Variants in TSGA10 observed in about 807,000 individuals in gnomAD.
The protein encoded by TSGA10 is testis specific 10.
A neutral mutation model predicts 96.6 loss-of-function variants in TSGA10; 43 were observed. The ratio of observed to expected loss-of-function variants is 0.44; its 90% CI spans 0.35 to 0.57. The LOEUF (loss-of-function observed/expected upper bound fraction) is 0.57. Among genes scored for constraint, TSGA10 ranks in the 20% least tolerant of loss-of-function variants. The probability of loss-of-function intolerance (pLI) is 0.01; values close to 1 mark genes in which losing one functional copy is unlikely to be tolerated. For synonymous variants in TSGA10, 229 were observed against 269.9 expected (o/e 0.85, Z 1.48); for missense variants, 703 against 834.4 (o/e 0.84, Z 1.94).
intron 4 of TSGA10, among the ~76,000 whole-genome samples, chr2:99,116,256 C>G (rs900572563): frequency 2.6e-5 from 4 of 152,172 alleles, no homozygotes; most frequent in Admixed American, 2.6e-4. Context: ...CAAATATGCT[C>G]TATCTTGCTT....
chr2:99,133,884 T>C (rs2093214817), intron 1 of TSGA10, among the ~76,000 whole-genome samples: 1 of 152,258 alleles, frequency 6.6e-6, no homozygotes, highest in African/African-American at 2.4e-5. Context: ...TTGAAAATTC[T>C]TTTCTTTAAG....
chr2:99,102,013 T>C, intron 10 of TSGA10: 1 of 1,245,430 alleles, frequency 8.0e-7, no homozygotes, highest in Non-Finnish European at 1.2e-6. Flanking sequence ...CTTAAAATTT[T>C]GTTAACAGAA....
chr2:99,078,317 A>G (rs544994205), intron 12 of TSGA10, among the ~76,000 whole-genome samples: 1 of 150,818 alleles, frequency 6.6e-6, no homozygotes, highest in Admixed American at 6.6e-5. Context: ...AAACACAATT[A>G]CAAAGGGTAA....
chr2:99,097,924 G>T (rs1281839813), intron 10 of TSGA10, among the ~76,000 whole-genome samples: 1 of 151,766 alleles, frequency 6.6e-6, no homozygotes, highest in Non-Finnish European at 1.5e-5. Context: ...CACACAAAGA[G>T]GTAAGAAATA....
intron 10 of TSGA10, among the ~76,000 whole-genome samples, chr2:99,091,763 A>C (rs1431494379): frequency 1.3e-5 from 2 of 151,982 alleles, no homozygotes; most frequent in Admixed American, 6.6e-5. Context: ...CACAATCTTA[A>C]ATATAGAACA....
intron 10 of TSGA10, among the ~76,000 whole-genome samples, chr2:99,089,140 A>G (rs2088950839): frequency 6.6e-6 from 1 of 152,212 alleles, no homozygotes; most frequent in South Asian, 2.1e-4. Context: ...CACTGGGGAA[A>G]GTGAAGGTCC....
At chr2:99,133,443 T>C (rs2093189179) in intron 1 of TSGA10, among the ~76,000 whole-genome samples, 1 of 152,180 alleles carries the variant, frequency 6.6e-6, no homozygotes, top group Admixed American at 6.5e-5. Context: ...GCTTGGTAAA[T>C]ACTCCTCCAT....
At chr2:99,051,344 A>G (rs1349306058) in intron 16 of TSGA10, among the ~76,000 whole-genome samples, 1 of 152,166 alleles carries the variant, frequency 6.6e-6, no homozygotes, top group Non-Finnish European at 1.5e-5. Flanking sequence ...TGGTTATGAT[A>G]ATATCAGAGA....
At chr2:99,004,870 G>A (rs2078316773) in intron 20 of TSGA10, among the ~76,000 whole-genome samples, 1 of 152,190 alleles carries the variant, frequency 6.6e-6, no homozygotes, top group South Asian at 2.1e-4. Flanking sequence ...TATCCTTGAT[G>A]AACACTGATG....
At position 99,105,367 on chromosome 2, in the gene TSGA10, C is replaced by G; in HGVS notation, c.451G>C (p.Val151Leu). ...TTTTTTTTTTTTTTTACATTATGAA[C>G]TGTACACTCCAGCTCCTCTATCCTT... ...EQRIEELECT[V>L]HNLDDERMEQ... is the part of the protein sequence containing the mutation. Residue 151 changes from valine to leucine, a missense_variant, in exon 9 of 21, where the codon GTT (valine) becomes CTT (leucine). Around this residue, in one of 3 missense-constraint regions of TSGA10, gnomAD observed 585 missense variants for 656.8 expected, o/e 0.89. Transcript: ENST00000393483. The G allele has an allele frequency of 6.3e-7, 1 of 1,582,056 alleles. No individual in the cohort carries two copies. The highest frequency in any genetic ancestry group is 8.6e-7 in the Non-Finnish European group (1 of 1,156,522).
chr2:99,137,713 A>C (rs2093382756), intron 1 of TSGA10, among the ~76,000 whole-genome samples: 1 of 152,086 alleles, frequency 6.6e-6, no homozygotes, highest in African/African-American at 2.4e-5. Context: ...TTTAGGTGGG[A>C]GATGATGGTG....
intron 16 of TSGA10, among the ~76,000 whole-genome samples, chr2:99,055,037 T>C (rs2083814586): frequency 6.6e-6 from 1 of 152,334 alleles, no homozygotes; most frequent in Non-Finnish European, 1.5e-5. Flanking sequence ...GAAATCAGTA[T>C]GTCAAAAAGA....
chr2:99,036,504 C>A (rs1027283557), intron 16 of TSGA10, among the ~76,000 whole-genome samples: 1 of 151,958 alleles, frequency 6.6e-6, no homozygotes, highest in Non-Finnish European at 1.5e-5. Context: ...TATATAAATA[C>A]ATACAAAGAA....
At chr2:99,144,441 G>A (rs1181128981) in intron 1 of TSGA10, among the ~76,000 whole-genome samples, 2 of 152,004 alleles carry the variant, frequency 1.3e-5, no homozygotes, top group Non-Finnish European at 2.9e-5. Context: ...CTCCCGAACT[G>A]CCTGTTGTCC....
intron 16 of TSGA10, among the ~76,000 whole-genome samples, chr2:99,051,738 A>G (rs1442581597): frequency 6.6e-6 from 1 of 152,138 alleles, no homozygotes; most frequent in Non-Finnish European, 1.5e-5. Flanking sequence ...GCAATACAAC[A>G]AAATCAAGAA....
intron 1 of TSGA10, among the ~76,000 whole-genome samples, chr2:99,143,261 C>A (rs1017563933): frequency 6.6e-6 from 1 of 151,038 alleles, no homozygotes; most frequent in Non-Finnish European, 1.5e-5. Flanking sequence ...CCTGCCTCAG[C>A]CTCCCAAGTA....
intron 20 of TSGA10, among the ~76,000 whole-genome samples, chr2:99,017,490 G>C (rs922180409): frequency 1.3e-5 from 2 of 152,202 alleles, no homozygotes; most frequent in African/African-American, 2.4e-5. Flanking sequence ...ATTGGGCCGG[G>C]CGCGGTGGCT....
intron 17 of TSGA10, among the ~76,000 whole-genome samples, chr2:99,026,919 C>T (rs561624275): frequency 5.9e-5 from 9 of 152,292 alleles, no homozygotes; most frequent in African/African-American, 1.7e-4. Context: ...GGACAGCAGT[C>T]GGGGTGGGGA....
At chr2:99,091,617 C>T (rs181059384) in intron 10 of TSGA10, among the ~76,000 whole-genome samples, 50 of 152,198 alleles carry the variant, frequency 3.3e-4, no homozygotes, top group African/African-American at 1.2e-3. Context: ...AAAGACATTC[C>T]ATGCTAATGG....
Sources: gnomAD v4.1 joint callset for allele counts (sites outside exome capture counted in the v4.1 genomes callset) on GRCh38, gnomAD v4.1.1 for gene constraint, gnomAD v4.1.1 regional missense constraint, MANE v1.5 for transcripts, NCBI Gene and HGNC (gene_info 2026-07-23, HGNC 2026-07-21) for gene names.